Variants in MACROD2 observed in about 807,000 individuals in gnomAD.
MACROD2 encodes ADP-ribose glycohydrolase MACROD2.
Under a neutral mutation model 70.4 loss-of-function variants are expected in MACROD2, and 36 were observed. The observed-to-expected ratio is 0.51, with a 90% CI of 0.39 to 0.68. The LOEUF is 0.68. Among genes scored for constraint, MACROD2 ranks in the 30% least tolerant of loss-of-function variants. The probability of loss-of-function intolerance (pLI) is 0.00; values close to 1 mark genes in which losing one functional copy is unlikely to be tolerated. For synonymous variants in MACROD2, 172 were observed against 178.8 expected (o/e 0.96, Z 0.30); for missense variants, 496 against 538.4 (o/e 0.92, Z 0.78).
intron 5 of MACROD2, among the ~76,000 whole-genome samples, chr20:14,995,101 A>G (rs2074938180): frequency 6.6e-6 from 1 of 152,152 alleles, no homozygotes; most frequent in Non-Finnish European, 1.5e-5. Flanking sequence ...TTTAATATAT[A>G]CTATATATAT....
intron 5 of MACROD2, among the ~76,000 whole-genome samples, chr20:15,134,289 C>T (rs1378478423): frequency 1.2e-4 from 18 of 149,952 alleles, no homozygotes; most frequent in South Asian, 4.3e-4. Context: ...TTTGGGAGGC[C>T]GAGGCGGGCG....
chr20:15,193,851 A>G (rs2076587739), intron 5 of MACROD2, among the ~76,000 whole-genome samples: 1 of 152,026 alleles, frequency 6.6e-6, no homozygotes, highest in African/African-American at 2.4e-5. Flanking sequence ...AAGCAGCATC[A>G]GGTATTGGCA....
chr20:15,755,076 C>CT (rs1189355330), intron 8 of MACROD2, among the ~76,000 whole-genome samples: 16 of 152,154 alleles, frequency 1.1e-4, no homozygotes, highest in African/African-American at 3.9e-4. Flanking sequence ...CCGGGCTGGT[C>CT]TTGAACTCCT....
intron 4 of MACROD2, among the ~76,000 whole-genome samples, chr20:14,663,436 G>C (rs770933796): frequency 6.6e-6 from 1 of 150,412 alleles, no homozygotes; most frequent in African/African-American, 2.4e-5. Flanking sequence ...TCTGACATAG[G>C]TTTACCTATA....
At chr20:15,810,384 A>G (rs1195017237) in intron 8 of MACROD2, among the ~76,000 whole-genome samples, 1 of 151,670 alleles carries the variant, frequency 6.6e-6, no homozygotes, top group Non-Finnish European at 1.5e-5. Context: ...ATACCCAGTA[A>G]TGGGATGGCT....
chr20:14,401,596 A>G (rs2083638595), intron 3 of MACROD2, among the ~76,000 whole-genome samples: 1 of 152,160 alleles, frequency 6.6e-6, no homozygotes, highest in Non-Finnish European at 1.5e-5. Context: ...TCATCCAATC[A>G]GTGTGTTTAT....
chr20:15,390,233 C>A (rs1286773486), intron 6 of MACROD2, among the ~76,000 whole-genome samples: 1 of 152,134 alleles, frequency 6.6e-6, no homozygotes, highest in Non-Finnish European at 1.5e-5. Context: ...GCAGAGTCCC[C>A]TCCTCCTGAT....
intron 2 of MACROD2, among the ~76,000 whole-genome samples, chr20:14,009,873 A>G (rs923307010): frequency 1.3e-5 from 2 of 152,240 alleles, no homozygotes; most frequent in South Asian, 4.1e-4. Context: ...ACGCAGTAAC[A>G]GAAAACCAAA....
chr20:15,507,630 G>A (rs760640343), intron 8 of MACROD2, among the ~76,000 whole-genome samples: 1 of 151,882 alleles, frequency 6.6e-6, no homozygotes, highest in Non-Finnish European at 1.5e-5. Context: ...CCCACGGTTA[G>A]AATAAAAGCT....
At chr20:15,074,567 T>TA (rs1351249811) in intron 5 of MACROD2, among the ~76,000 whole-genome samples, 1 of 152,210 alleles carries the variant, frequency 6.6e-6, no homozygotes, top group Non-Finnish European at 1.5e-5. Flanking sequence ...GCTTTCAACT[T>TA]ACATTTGAAG....
At chr20:15,610,737 C>T (rs2048955641) in intron 8 of MACROD2, among the ~76,000 whole-genome samples, 1 of 152,178 alleles carries the variant, frequency 6.6e-6, no homozygotes. Flanking sequence ...TTACCGTGTG[C>T]TTTGGATTTG....
At chr20:14,090,175 A>G (rs1056102535) in intron 3 of MACROD2, among the ~76,000 whole-genome samples, 1 of 152,206 alleles carries the variant, frequency 6.6e-6, no homozygotes, top group African/African-American at 2.4e-5. Context: ...ATTCATGTGA[A>G]TGTGTGTATA....
chr20:14,817,148 G>A (rs186404322), intron 5 of MACROD2, among the ~76,000 whole-genome samples: 1 of 152,166 alleles, frequency 6.6e-6, no homozygotes, highest in Admixed American at 6.5e-5. Flanking sequence ...GCTTGATGTG[G>A]GAGTGCTAAT....
chr20:15,102,929 G>A (rs939722422), intron 5 of MACROD2, among the ~76,000 whole-genome samples: 2 of 151,902 alleles, frequency 1.3e-5, no homozygotes, highest in Non-Finnish European at 2.9e-5. Context: ...GCAAAAAAAA[G>A]CAAGTTGACC....
intron 3 of MACROD2, among the ~76,000 whole-genome samples, chr20:14,395,422 G>A (rs955894025): frequency 2.0e-5 from 3 of 151,980 alleles, no homozygotes; most frequent in African/African-American, 7.2e-5. Context: ...TTTAACATAT[G>A]TAATCTGTTA....
intron 5 of MACROD2, among the ~76,000 whole-genome samples, chr20:15,097,776 A>G (rs984170354): frequency 6.6e-6 from 1 of 152,214 alleles, no homozygotes; most frequent in African/African-American, 2.4e-5. Context: ...GGGCAAGGCC[A>G]AAACTGTTTA....
chr20:15,076,266 T>C (rs2075657487), intron 5 of MACROD2, among the ~76,000 whole-genome samples: 1 of 152,168 alleles, frequency 6.6e-6, no homozygotes, highest in African/African-American at 2.4e-5. Context: ...AAGTACTTCA[T>C]TTGGGTAAAT....
At chr20:14,303,242 A>T (rs1459528267) in intron 3 of MACROD2, among the ~76,000 whole-genome samples, 1 of 152,132 alleles carries the variant, frequency 6.6e-6, no homozygotes, top group East Asian at 1.9e-4. Flanking sequence ...GCCATTTCTT[A>T]TAGGAAATGC....
chr20:15,416,545 G>T (rs1309772759), intron 6 of MACROD2, among the ~76,000 whole-genome samples: 1 of 152,178 alleles, frequency 6.6e-6, no homozygotes, highest in Non-Finnish European at 1.5e-5. Context: ...GCTGCCAAGA[G>T]GATCTCACCT....
Sources: allele counts gnomAD v4.1 joint callset (sites outside exome capture counted in the v4.1 genomes callset), GRCh38; gene constraint gnomAD v4.1.1; transcripts MANE v1.5; gene names NCBI Gene and HGNC (gene_info 2026-07-23, HGNC 2026-07-21).